Variants in SUCLG2 observed in about 807,000 individuals in gnomAD.
SUCLG2 encodes the protein succinate-CoA ligase GDP-forming subunit beta, also known as succinate--CoA ligase [GDP-forming] subunit beta, mitochondrial.
In SUCLG2, 42 loss-of-function variants were observed where a neutral mutation model predicts 47.9. That is an observed-to-expected ratio of 0.88 (90% confidence interval 0.69 to 1.14). SUCLG2 has a LOEUF of 1.14. SUCLG2 is among the 50% of genes most tolerant of loss of function. The pLI is 0.00. For synonymous variants in SUCLG2, 195 were observed against 197.3 expected, an observed-to-expected ratio of 0.99 and a Z score of 0.10; for missense variants, 571 against 525.9, an observed-to-expected ratio of 1.09 and a Z score of -0.84.
chr3:67,621,374 A>G (rs1700734032), intron 1 of SUCLG2, among the ~76,000 whole-genome samples: 1 of 152,214 alleles, frequency 6.6e-6, no homozygotes, highest in Non-Finnish European at 1.5e-5. Flanking sequence ...TTACAATGTT[A>G]GTTGATATGC....
At chr3:67,621,482 G>C (rs570575447) in intron 1 of SUCLG2, among the ~76,000 whole-genome samples, 3 of 152,288 alleles carry the variant, frequency 2.0e-5, no homozygotes, top group Non-Finnish European at 2.9e-5. Context: ...CTTATAGTTT[G>C]AATGTTTCTT....
chr3:67,377,200 G>A (rs772352274), intron 10 of SUCLG2, among the ~76,000 whole-genome samples: 2 of 152,164 alleles, frequency 1.3e-5, no homozygotes, highest in Non-Finnish European at 1.5e-5. Context: ...TCACAGAGGC[G>A]GTAAGTGTCA....
chr3:67,508,159 G>C (rs1323348795), intron 7 of SUCLG2, among the ~76,000 whole-genome samples: 1 of 152,140 alleles, frequency 6.6e-6, no homozygotes, highest in Non-Finnish European at 1.5e-5. Flanking sequence ...TGCTCTCCAA[G>C]TAAGGTGAAA....
At chr3:67,627,918 T>C (rs963451253) in intron 1 of SUCLG2, among the ~76,000 whole-genome samples, 1 of 152,216 alleles carries the variant, frequency 6.6e-6, no homozygotes, top group African/African-American at 2.4e-5. Context: ...CTTCAACCTC[T>C]TCCTTTTATC....
At chr3:67,580,548 C>T (rs1021187637) in intron 2 of SUCLG2, among the ~76,000 whole-genome samples, 1 of 152,166 alleles carries the variant, frequency 6.6e-6, no homozygotes, top group South Asian at 2.1e-4. Flanking sequence ...AGTGCCTCCT[C>T]GGGGCACTGG....
intron 10 of SUCLG2, among the ~76,000 whole-genome samples, chr3:67,379,153 G>A (rs1300066509): frequency 6.6e-6 from 1 of 152,056 alleles, no homozygotes; most frequent in African/African-American, 2.4e-5. Context: ...CACCATGTTG[G>A]CCAGGCTGAT....
intron 4 of SUCLG2, among the ~76,000 whole-genome samples, chr3:67,521,591 CTTTTT>C: frequency 6.8e-6 from 1 of 146,312 alleles, no homozygotes; most frequent in Admixed American, 6.7e-5. Flanking sequence ...GGATGCCTTT[CTTTTT>C]TTTAATCTTT....
intron 6 of SUCLG2, 66 bp downstream of exon 6, chr3:67,518,181 A>G: frequency 1.5e-6 from 2 of 1,335,346 alleles, no homozygotes; most frequent in East Asian, 2.4e-5. Context: ...ACTAGAGGCA[A>G]TGAAGCAAGT....
At chr3:67,390,441 G>A (rs1415197184) in intron 10 of SUCLG2, among the ~76,000 whole-genome samples, 1 of 152,136 alleles carries the variant, frequency 6.6e-6, no homozygotes, top group Non-Finnish European at 1.5e-5. Context: ...CAGTGGATAA[G>A]GAAAGGATTA....
intron 9 of SUCLG2, among the ~76,000 whole-genome samples, chr3:67,481,035 C>G (rs1001531394): frequency 1.3e-5 from 2 of 151,844 alleles, no homozygotes; most frequent in Admixed American, 1.3e-4. Context: ...GTTTTTTTTA[C>G]AAACATATCA....
At chr3:67,584,422 T>C (rs562100353) in intron 2 of SUCLG2, among the ~76,000 whole-genome samples, 34 of 152,158 alleles carry the variant, frequency 2.2e-4, no homozygotes, top group South Asian at 4.1e-4. Context: ...AGGAATCTTA[T>C]TGGAGGATGA....
chr3:67,569,242 CATA>C (rs1410457537), intron 2 of SUCLG2, among the ~76,000 whole-genome samples: 2 of 152,244 alleles, frequency 1.3e-5, no homozygotes, highest in Non-Finnish European at 2.9e-5. Context: ...ATTCTTAGGA[CATA>C]ATCTTTCTAG....
At chr3:67,363,325 T>C (rs1701830469) in intron 10 of SUCLG2, among the ~76,000 whole-genome samples, 1 of 152,204 alleles carries the variant, frequency 6.6e-6, no homozygotes, top group Non-Finnish European at 1.5e-5. Context: ...TTCCTGGAAA[T>C]GTTTATTCTC....
intron 2 of SUCLG2, among the ~76,000 whole-genome samples, chr3:67,608,518 C>T (rs1700465733): frequency 6.6e-6 from 1 of 152,090 alleles, no homozygotes; most frequent in Non-Finnish European, 1.5e-5. Flanking sequence ...CCATCCACTC[C>T]CTGCACACAT....
chr3:67,578,616 G>A (rs1707804946), intron 2 of SUCLG2, among the ~76,000 whole-genome samples: 1 of 152,150 alleles, frequency 6.6e-6, no homozygotes, highest in South Asian at 2.1e-4. Context: ...GACCACGGCT[G>A]AACCGGAGAT....
chr3:67,379,693 C>T (rs1702111219), intron 10 of SUCLG2, among the ~76,000 whole-genome samples: 1 of 152,230 alleles, frequency 6.6e-6, no homozygotes, highest in Non-Finnish European at 1.5e-5. Context: ...CCTTGCTGGG[C>T]TTTCCACCCA....
intron 2 of SUCLG2, among the ~76,000 whole-genome samples, chr3:67,590,017 T>C (rs1446721945): frequency 2.6e-5 from 4 of 152,158 alleles, no homozygotes; most frequent in Non-Finnish European, 4.4e-5. Flanking sequence ...AAATTTTATA[T>C]TTTGAACATA....
intron 10 of SUCLG2, among the ~76,000 whole-genome samples, chr3:67,397,177 A>C (rs1159292643): frequency 6.6e-6 from 1 of 152,064 alleles, no homozygotes; most frequent in Non-Finnish European, 1.5e-5. Flanking sequence ...GGCCAGGGCA[A>C]TTAGGCAGGA....
exon 11 of SUCLG2, chr3:67,360,614 T>C: frequency 6.7e-7 from 1 of 1,493,778 alleles, no homozygotes. Flanking sequence ...GCAAGTATCT[T>C]AGCAAAGTAA....
Sources: allele counts gnomAD v4.1 joint callset (sites outside exome capture counted in the v4.1 genomes callset), GRCh38; gene constraint gnomAD v4.1.1; transcripts MANE v1.5; gene names NCBI Gene and HGNC (gene_info 2026-07-23, HGNC 2026-07-21).